The following NEGR1 variants were observed in gnomAD, a reference collection of about 807,000 sequenced individuals.
The protein encoded by NEGR1 is neuronal growth regulator 1.
Under a neutral mutation model 40.9 loss-of-function variants are expected in NEGR1, and 10 were observed. The observed-to-expected ratio is 0.24, with a 90% confidence interval of 0.15 to 0.42. The LOEUF (loss-of-function observed/expected upper bound fraction) is 0.42, where lower values mean the gene tolerates loss of function less well. Ranked by LOEUF, NEGR1 falls within the 10% of genes least tolerant of loss-of-function variation. The probability of loss-of-function intolerance (pLI) is 1.00; values close to 1 mark genes in which losing one functional copy is unlikely to be tolerated. For synonymous variants in NEGR1, 185 were observed against 166.8 expected (o/e 1.11, Z -0.84); for missense variants, 352 against 438.9 (o/e 0.80, Z 1.77).
chr1:71,586,891 C>G (rs531203490), intron 6 of NEGR1, among the ~76,000 whole-genome samples: 1 of 152,200 alleles, frequency 6.6e-6, no homozygotes, highest in African/African-American at 2.4e-5. Context: ...ATTCTGCCTA[C>G]AACTGCAAAC....
intron 1 of NEGR1, among the ~76,000 whole-genome samples, chr1:72,204,053 T>C (rs1270421325): frequency 6.6e-6 from 1 of 152,098 alleles, no homozygotes; most frequent in Admixed American, 6.6e-5. Context: ...ATTTGCTTTA[T>C]TGTGGTGATC....
At chr1:71,792,378 A>T (rs1657148735) in intron 2 of NEGR1, among the ~76,000 whole-genome samples, 1 of 152,152 alleles carries the variant, frequency 6.6e-6, no homozygotes, top group Non-Finnish European at 1.5e-5. Context: ...TGTTAGTATA[A>T]ATAGATGGAA....
intron 6 of NEGR1, among the ~76,000 whole-genome samples, chr1:71,549,142 T>C (rs1236525362): frequency 1.3e-5 from 2 of 151,722 alleles, no homozygotes; most frequent in African/African-American, 4.8e-5. Context: ...TCCTAAACAT[T>C]ATGCTAAGCA....
chr1:71,493,548 T>C (rs1330578157), intron 6 of NEGR1, among the ~76,000 whole-genome samples: 1 of 152,210 alleles, frequency 6.6e-6, no homozygotes, highest in East Asian at 1.9e-4. Flanking sequence ...TTAAGTCTTA[T>C]GTTTTAAAAA....
chr1:71,899,436 T>G (rs557760998), intron 2 of NEGR1, among the ~76,000 whole-genome samples: 1 of 152,102 alleles, frequency 6.6e-6, no homozygotes, highest in Non-Finnish European at 1.5e-5. Flanking sequence ...GTTAGGGATT[T>G]GAACCAGACA....
intron 2 of NEGR1, among the ~76,000 whole-genome samples, chr1:71,829,553 T>A (rs974813411): frequency 2.4e-4 from 37 of 152,008 alleles, no homozygotes; most frequent in African/African-American, 8.7e-4. Context: ...ACCGCTGTAG[T>A]CCAGCCCATA....
At position 72,064,486 on chromosome 1, in the gene NEGR1, G is replaced by A. The variant is rs77651972; in HGVS notation, c.177-129175C>T. Among the ~76,000 whole-genome samples the A allele has an allele frequency of 5.5e-4, 83 of 152,156 alleles. 1 individual carries two copies. Among genetic ancestry groups the A allele is most frequent in the African/African-American group, 1.8e-3 (75 of 41,540 alleles). ...GTGCAAAAGCTTCTGTGGTTCAGCC[G>A]CTGGGATCAAATCAGAACACAGTGG... On this transcript the variant is annotated intron_variant, in intron 1 of 6. Coordinates refer to ENST00000357731, the MANE Select transcript of NEGR1 (RefSeq NM_173808.3).
chr1:71,723,690 C>T (rs1654583286), intron 3 of NEGR1, among the ~76,000 whole-genome samples: 1 of 152,006 alleles, frequency 6.6e-6, no homozygotes, highest in Non-Finnish European at 1.5e-5. Flanking sequence ...AATTGAAGTG[C>T]CTTACAACAA....
intron 1 of NEGR1, among the ~76,000 whole-genome samples, chr1:72,220,613 C>T (rs1653980818): frequency 6.6e-6 from 1 of 151,852 alleles, no homozygotes; most frequent in Non-Finnish European, 1.5e-5. Context: ...TGATATAGTA[C>T]TTACTAACTG....
chr1:72,256,539 C>G (rs1486467103), intron 1 of NEGR1, among the ~76,000 whole-genome samples: 1 of 152,080 alleles, frequency 6.6e-6, no homozygotes, highest in Admixed American at 6.5e-5. Context: ...ATTATAATCA[C>G]CCTAACCATG....
At chr1:71,846,799 C>G (rs1659429602) in intron 2 of NEGR1, among the ~76,000 whole-genome samples, 1 of 152,110 alleles carries the variant, frequency 6.6e-6, no homozygotes, top group African/African-American at 2.4e-5. Flanking sequence ...GCGGAAGAGG[C>G]AAACAAGCTT....
At chr1:71,863,948 T>C (rs1215833950) in intron 2 of NEGR1, among the ~76,000 whole-genome samples, 3 of 152,188 alleles carry the variant, frequency 2.0e-5, no homozygotes, top group African/African-American at 4.8e-5. Flanking sequence ...TTTAAGTTGG[T>C]ATTTTTTCAT....
At chr1:71,811,517 T>C (rs1203846701) in intron 2 of NEGR1, among the ~76,000 whole-genome samples, 2 of 151,892 alleles carry the variant, frequency 1.3e-5, no homozygotes, top group Non-Finnish European at 2.9e-5. Flanking sequence ...TTCATTTTCT[T>C]CATAGTACTT....
intron 6 of NEGR1, among the ~76,000 whole-genome samples, chr1:71,551,046 A>C (rs952075540): frequency 6.6e-6 from 1 of 151,566 alleles, no homozygotes; most frequent in African/African-American, 2.4e-5. Context: ...TGCTCTTAAG[A>C]AGAATTTCTA....
chr1:72,070,666 C>A (rs965942291), intron 1 of NEGR1, among the ~76,000 whole-genome samples: 1 of 151,836 alleles, frequency 6.6e-6, no homozygotes, highest in Admixed American at 6.6e-5. Flanking sequence ...TGTATGTGAA[C>A]ATTAGTATTG....
At chr1:71,724,454 T>C (rs1249857369) in intron 3 of NEGR1, among the ~76,000 whole-genome samples, 1 of 152,200 alleles carries the variant, frequency 6.6e-6, no homozygotes, top group African/African-American at 2.4e-5. Flanking sequence ...GGATCAGTTT[T>C]GATTAATTGA....
chr1:72,201,551 G>C (rs1459381688), intron 1 of NEGR1, among the ~76,000 whole-genome samples: 1 of 151,688 alleles, frequency 6.6e-6, no homozygotes, highest in Non-Finnish European at 1.5e-5. Context: ...GGACAGCTTG[G>C]ACGAAGTTTG....
In NEGR1 at chr1:71,780,999, A is replaced by G. The variant is rs187185936; in HGVS notation, c.410-4702T>C. On this transcript the variant is annotated intron_variant, in intron 2 of 6. Coordinates refer to ENST00000357731, the MANE Select transcript of NEGR1 (RefSeq NM_173808.3). ...AGGCTACCATTTTGGATTATTCTCC[A>G]CTGTTTGTACGATAATGAGCAACTG... Among the ~76,000 whole-genome samples, 94 of 152,268 alleles carry G rather than the reference A, an allele frequency of 6.2e-4. 2 individuals carry two copies. The highest frequency in any genetic ancestry group is 2.2e-4 in the Non-Finnish European group (15 of 68,022).
At chr1:72,066,213 T>C (rs1246453952) in intron 1 of NEGR1, among the ~76,000 whole-genome samples, 1 of 152,142 alleles carries the variant, frequency 6.6e-6, no homozygotes. Context: ...TTGAGTTAGT[T>C]TCCCATGATC....
Sources: gnomAD v4.1 joint callset for allele counts (sites outside exome capture counted in the v4.1 genomes callset) on GRCh38, gnomAD v4.1.1 for gene constraint, MANE v1.5 for transcripts, NCBI Gene and HGNC (gene_info 2026-07-23, HGNC 2026-07-21) for gene names.